Variants in AGL observed in about 807,000 individuals in gnomAD.
AGL encodes the protein glycogen debranching enzyme.
In AGL, 128 loss-of-function variants were observed where a neutral mutation model predicts 199.3. That is an observed-to-expected ratio of 0.64 (90% CI 0.56 to 0.74). AGL has a LOEUF of 0.74. Ranked by LOEUF, AGL falls within the 30% of genes least tolerant of loss-of-function variation. The pLI is 0.00. For synonymous variants in AGL, 584 were observed against 594.7 expected (o/e 0.98, Z 0.26); for missense variants, 1,809 against 1,820.8 (o/e 0.99, Z 0.12).
chr1:99,918,512 AG>A (rs1271110797), intron 33 of AGL, among the ~76,000 whole-genome samples: 1 of 152,002 alleles, frequency 6.6e-6, no homozygotes, highest in African/African-American at 2.4e-5. Context: ...TTGGAGCGAC[AG>A]GGGTCTTGCT....
At chr1:99,901,661 AT>A (rs1226012388) in intron 26 of AGL, among the ~76,000 whole-genome samples, 1 of 148,104 alleles carries the variant, frequency 6.8e-6, no homozygotes, top group East Asian at 2.0e-4. Context: ...ATGGATAGAC[AT>A]TTTTGAGTGT....
intron 17 of AGL, among the ~76,000 whole-genome samples, chr1:99,882,096 A>G (rs1652082291): frequency 6.6e-6 from 1 of 151,002 alleles, no homozygotes; most frequent in African/African-American, 2.4e-5. Context: ...TCCAGATCCC[A>G]CCACTGCACT....
At chr1:99,916,080 C>A (rs374204786) in intron 31 of AGL, among the ~76,000 whole-genome samples, 2 of 151,912 alleles carry the variant, frequency 1.3e-5, no homozygotes, top group African/African-American at 4.8e-5. Flanking sequence ...ATTAGATAGG[C>A]TTCAATATAT....
intron 19 of AGL, 42 bp from the exon 20 acceptor site, chr1:99,884,527 A>G: frequency 6.2e-7 from 1 of 1,609,798 alleles, no homozygotes; most frequent in South Asian, 1.1e-5. Flanking sequence ...ATTTGAATAA[A>G]TTACTCCTAA....
chr1:99,852,756 CAA>C, intron 2 of AGL: 1 of 779,018 alleles, frequency 1.3e-6, no homozygotes, highest in Non-Finnish European at 2.4e-6. Flanking sequence ...TTTTGAGACT[CAA>C]AATTAATAAT....
intron 11 of AGL, 72 bp from the exon 12 acceptor site, chr1:99,877,569 C>T (rs1037399693): frequency 7.9e-6 from 11 of 1,392,776 alleles, no homozygotes; most frequent in East Asian, 2.3e-5. Flanking sequence ...AATTTAAAAA[C>T]CAGTGTTTCC....
At chr1:99,893,711 T>TA (rs1319325139) in intron 24 of AGL, among the ~76,000 whole-genome samples, 1 of 152,292 alleles carries the variant, frequency 6.6e-6, no homozygotes, top group South Asian at 2.1e-4. Context: ...AAATAAAAAC[T>TA]AAAAAATTAA....
intron 26 of AGL, among the ~76,000 whole-genome samples, chr1:99,901,477 T>C (rs1321162781): frequency 1.3e-5 from 2 of 152,066 alleles, no homozygotes. Flanking sequence ...AATAGTGTTT[T>C]TGTAAGAGCC....
intron 17 of AGL, 74 bp from the exon 18 acceptor site, chr1:99,884,046 G>A: frequency 7.7e-7 from 1 of 1,292,842 alleles, no homozygotes; most frequent in Non-Finnish European, 1.1e-6. Context: ...TAAATGATTT[G>A]AAACCACTTT....
intron 14 of AGL, 61 bp downstream of exon 14, chr1:99,880,856 G>C: frequency 1.3e-6 from 2 of 1,570,606 alleles, no homozygotes; most frequent in Non-Finnish European, 1.8e-6. Context: ...TTAACTCTCT[G>C]ACACTTGGTC....
chr1:99,878,000 G>C (rs1253203894), intron 12 of AGL, among the ~76,000 whole-genome samples, 172 bp downstream of exon 12: 1 of 152,070 alleles, frequency 6.6e-6, no homozygotes, highest in African/African-American at 2.4e-5. Context: ...ACAATCTTTT[G>C]CAGTTGTTAT....
intron 5 of AGL, among the ~76,000 whole-genome samples, chr1:99,865,329 A>G (rs1650419231): frequency 6.6e-6 from 1 of 152,206 alleles, no homozygotes; most frequent in African/African-American, 2.4e-5. Flanking sequence ...GTACTATAGC[A>G]TATATGAAAA....
intron 24 of AGL, 128 bp from the exon 25 acceptor site, chr1:99,896,157 GT>G: frequency 1.3e-6 from 1 of 781,010 alleles, no homozygotes; most frequent in Non-Finnish European, 2.2e-6. Context: ...ATTTTAGAGG[GT>G]TTTAGAGGAT....
At chr1:99,900,883 T>C (rs766137876) in intron 26 of AGL, 22 bp downstream of exon 26, 5 of 1,489,004 alleles carry the variant, frequency 3.4e-6, no homozygotes, top group Non-Finnish European at 4.5e-6. Context: ...TCTTAAAATG[T>C]TTTTTTGTTT....
chr1:99,870,241 GAA>G (rs1360795577), intron 5 of AGL, among the ~76,000 whole-genome samples, 157 bp from the exon 6 acceptor site: 1 of 151,428 alleles, frequency 6.6e-6, no homozygotes, highest in Non-Finnish European at 1.5e-5. Flanking sequence ...CATAACCAAA[GAA>G]AAAACTTTTC....
intron 27 of AGL, among the ~76,000 whole-genome samples, chr1:99,907,380 C>G (rs1654366835): frequency 6.6e-6 from 1 of 151,972 alleles, no homozygotes; most frequent in South Asian, 2.1e-4. Context: ...TTTTTTCCAC[C>G]TTTTGGCTAT....
intron 26 of AGL, among the ~76,000 whole-genome samples, chr1:99,901,197 C>T (rs1319178268): frequency 6.6e-6 from 1 of 151,482 alleles, no homozygotes; most frequent in Non-Finnish European, 1.5e-5. Context: ...CCTAAATGAG[C>T]CATAAAAGGT....
intron 33 of AGL, among the ~76,000 whole-genome samples, 154 bp downstream of exon 33, chr1:99,916,885 A>T (rs908095432): frequency 6.6e-6 from 1 of 152,124 alleles, no homozygotes; most frequent in Admixed American, 6.5e-5. Flanking sequence ...AAATTCTGTT[A>T]TATAATTTTC....
At chr1:99,875,301 C>G in intron 9 of AGL, 45 bp downstream of exon 9, 1 of 1,611,892 alleles carries the variant, frequency 6.2e-7, no homozygotes, top group Non-Finnish European at 8.5e-7. Flanking sequence ...CATCTTACTA[C>G]TATTTTTTTG....
Sources: gnomAD v4.1 joint callset for allele counts (sites outside exome capture counted in the v4.1 genomes callset) on GRCh38, gnomAD v4.1.1 for gene constraint, MANE v1.5 for transcripts, NCBI Gene and HGNC (gene_info 2026-07-23, HGNC 2026-07-21) for gene names.